The following STIM1 variants were observed in gnomAD, a reference collection of about 807,000 sequenced individuals.
The protein encoded by STIM1 is stromal interaction molecule 1.
A neutral mutation model predicts 74.7 loss-of-function variants in STIM1; 25 were observed. The ratio of observed to expected loss-of-function variants is 0.33; its 90% CI spans 0.24 to 0.47. STIM1 has a LOEUF of 0.47. Ranked by LOEUF, STIM1 falls within the 20% of genes least tolerant of loss-of-function variation. The pLI, the probability that STIM1 is intolerant of heterozygous loss-of-function variation, is 1.00. For missense variants in STIM1, 728 were observed against 920.8 expected, an observed-to-expected ratio of 0.79 and a Z score of 2.71; for synonymous variants, 328 against 348.8, an observed-to-expected ratio of 0.94 and a Z score of 0.66.
At chr11:3,958,756 G>A (rs2093249162) in intron 1 of STIM1, among the ~76,000 whole-genome samples, 1 of 151,816 alleles carries the variant, frequency 6.6e-6, no homozygotes, top group Admixed American at 6.6e-5. Context: ...GATCACCTCA[G>A]GTCAGGAGTT....
intron 1 of STIM1, among the ~76,000 whole-genome samples, chr11:3,937,196 T>C (rs1215738592): frequency 6.6e-6 from 1 of 151,536 alleles, no homozygotes; most frequent in Non-Finnish European, 1.5e-5. Context: ...AAGGCTGAGG[T>C]GGGAGGACCA....
At chr11:3,918,135 T>G (rs1267744017) in intron 1 of STIM1, among the ~76,000 whole-genome samples, 1 of 152,202 alleles carries the variant, frequency 6.6e-6, no homozygotes, top group African/African-American at 2.4e-5. Context: ...TGCTTTTCTT[T>G]GTACTGGTGT....
intron 2 of STIM1, among the ~76,000 whole-genome samples, chr11:3,985,391 T>G (rs915193307): frequency 2.0e-5 from 3 of 152,186 alleles, no homozygotes; most frequent in African/African-American, 4.8e-5. Flanking sequence ...TGTGGGTATG[T>G]GTCTTTCTGC....
intron 3 of STIM1, among the ~76,000 whole-genome samples, chr11:4,033,850 C>T (rs532337450): frequency 6.6e-5 from 10 of 151,970 alleles, no homozygotes; most frequent in African/African-American, 1.9e-4. Context: ...CTGCCCGCCT[C>T]GGCCTCCCAA....
At chr11:4,011,706 G>C (rs1271084100) in intron 2 of STIM1, among the ~76,000 whole-genome samples, 1 of 152,130 alleles carries the variant, frequency 6.6e-6, no homozygotes, top group Non-Finnish European at 1.5e-5. Context: ...TTCTTTTGCT[G>C]TGCAGAAGCT....
chr11:3,942,438 G>A (rs572779426), intron 1 of STIM1, among the ~76,000 whole-genome samples: 2 of 152,270 alleles, frequency 1.3e-5, no homozygotes, highest in South Asian at 2.1e-4. Context: ...AGTGTTGAGG[G>A]TGGGAAGGAA....
chr11:3,935,050 C>G (rs762133887), intron 1 of STIM1, among the ~76,000 whole-genome samples: 1 of 152,244 alleles, frequency 6.6e-6, no homozygotes, highest in African/African-American at 2.4e-5. Context: ...GTCATCTTTT[C>G]GCAGCTGCAG....
intron 2 of STIM1, chr11:4,019,149 A>G (rs1222424654): frequency 6.4e-6 from 1 of 156,622 alleles, no homozygotes; most frequent in African/African-American, 2.4e-5. Flanking sequence ...TATCCAAGGC[A>G]TCCACACAAT....
At chr11:3,974,087 G>A (rs1230194021) in intron 2 of STIM1, 6 of 701,656 alleles carry the variant, frequency 8.6e-6, no homozygotes, top group South Asian at 5.9e-5. Flanking sequence ...GGAGCACTTG[G>A]TATTTGGATC....
intron 1 of STIM1, among the ~76,000 whole-genome samples, chr11:3,882,063 A>T (rs1207868843): frequency 1.4e-5 from 2 of 138,106 alleles, no homozygotes; most frequent in Non-Finnish European, 3.1e-5. Context: ...AGGTTCATCT[A>T]TATTGTAGCA....
At chr11:3,911,402 C>T (rs56756345) in intron 1 of STIM1, among the ~76,000 whole-genome samples, 6,555 of 152,084 alleles carry the variant, frequency 0.043, 453 homozygotes, top group African/African-American at 0.15. Flanking sequence ...GTCTCCTTAC[C>T]ATCTTTTTAA....
intron 1 of STIM1, among the ~76,000 whole-genome samples, chr11:3,882,209 C>G (rs1320481269): frequency 6.7e-6 from 1 of 149,908 alleles, no homozygotes; most frequent in Non-Finnish European, 1.5e-5. Context: ...AAGCGATTCT[C>G]CTACCTCAGC....
rs186527170 is a variant in STIM1, at chr11:4,069,479, T to C, written c.614-547T>C. On this transcript the variant is annotated intron_variant, in intron 5 of 12. Coordinates refer to ENST00000526596, the MANE Select transcript of STIM1 (RefSeq NM_001382567.1). The stretch of plus-strand genomic sequence containing the variant: ...CACAGTAGCCTAGAAATGTTCTCCA[T>C]AGATTGAGACTTCTGGACCTTTCCC... 2.8e-3 allele frequency among the ~76,000 whole-genome samples: 430 copies of C among 152,286 alleles called. 4 individuals carry two copies. Among genetic ancestry groups the C allele is most frequent in the African/African-American group, 9.9e-3 (411 of 41,532 alleles).
intron 2 of STIM1, among the ~76,000 whole-genome samples, chr11:3,995,811 CT>C (rs71466144): frequency 0.022 from 3,053 of 137,836 alleles, 42 homozygotes; most frequent in East Asian, 0.048. Context: ...CACCTGGCTT[CT>C]TTTTTTTTTT....
chr11:3,945,222 T>G (rs1165934839), intron 1 of STIM1, among the ~76,000 whole-genome samples: 1 of 152,142 alleles, frequency 6.6e-6, no homozygotes, highest in African/African-American at 2.4e-5. Context: ...TTGTGAGAAT[T>G]TAAATAAGGC....
chr11:4,076,215 G>A (rs1367760982), intron 7 of STIM1, among the ~76,000 whole-genome samples: 1 of 151,812 alleles, frequency 6.6e-6, no homozygotes, highest in African/African-American at 2.4e-5. Flanking sequence ...GTCAGGCGCC[G>A]TGGCTCATGA....
chr11:3,942,591 T>G (rs1413425013), intron 1 of STIM1, among the ~76,000 whole-genome samples: 1 of 152,142 alleles, frequency 6.6e-6, no homozygotes, highest in African/African-American at 2.4e-5. Flanking sequence ...GACCGGTAGG[T>G]GGCAGGGACT....
rs183060103 is a variant in STIM1 at position 4,044,545 on chromosome 11, A to G, written c.386-10981A>G. Among the ~76,000 whole-genome samples, 354 of 152,354 alleles carry G rather than the reference A, an allele frequency of 2.3e-3. 3 individuals carry two copies. The highest frequency in any genetic ancestry group is 3.4e-3 in the Non-Finnish European group (230 of 68,030). On this transcript the variant is annotated intron_variant, in intron 3 of 12. Coordinates refer to ENST00000526596, the MANE Select transcript of STIM1 (RefSeq NM_001382567.1). ...ACAGATGTTATAGAGGATACAGCTC[A>G]TCCTGGCTTGTTTTGTTCAGACTAT...
chr11:4,069,892 A>G, intron 5 of STIM1, 134 bp from the exon 6 acceptor site: 1 of 957,136 alleles, frequency 1.0e-6, no homozygotes, highest in Admixed American at 1.9e-5. Context: ...GTATCTAAGA[A>G]GAGAAACTAA....
Sources: allele counts gnomAD v4.1 joint callset (sites outside exome capture counted in the v4.1 genomes callset), GRCh38; gene constraint gnomAD v4.1.1; transcripts MANE v1.5; gene names NCBI Gene and HGNC (gene_info 2026-07-23, HGNC 2026-07-21).